IQGAP2: variants seen among roughly 807,000 people sequenced by gnomAD.
IQGAP2 encodes ras GTPase-activating-like protein IQGAP2.
A neutral mutation model predicts 201.3 loss-of-function variants in IQGAP2; 173 were observed. The observed-to-expected ratio is 0.86, with a 90% CI of 0.76 to 0.98. The LOEUF is 0.98. Among genes scored for constraint, IQGAP2 ranks in the 50% least tolerant of loss-of-function variants. The probability of loss-of-function intolerance (pLI) is 0.00; values close to 1 mark genes in which losing one functional copy is unlikely to be tolerated. For synonymous variants in IQGAP2, 675 were observed against 673.9 expected, an observed-to-expected ratio of 1.00 and a Z score of -0.03; for missense variants, 1,687 against 1,864.8, an observed-to-expected ratio of 0.90 and a Z score of 1.76.
intron 4 of IQGAP2, among the ~76,000 whole-genome samples, chr5:76,573,035 G>C (rs1248389540): frequency 6.6e-6 from 1 of 152,094 alleles, no homozygotes; most frequent in Non-Finnish European, 1.5e-5. Context: ...GTTAAATGCT[G>C]TTTCCTTCTA....
At chr5:76,472,793 C>A (rs986406766) in intron 2 of IQGAP2, among the ~76,000 whole-genome samples, 1 of 152,194 alleles carries the variant, frequency 6.6e-6, no homozygotes, top group Non-Finnish European at 1.5e-5. Flanking sequence ...ACAAGTTGAG[C>A]AACTGATATT....
rs147701575 is a variant in IQGAP2, at chr5:76,653,397, T to G, written c.2178+564T>G. ...AATCTACAACTTGGAGATCTACAAGTCTCCAGCTTGGAAATCCAGATGAGA... is the reference window on the plus strand; with the variant it reads ...AATCTACAACTTGGAGATCTACAAGGCTCCAGCTTGGAAATCCAGATGAGA... On this transcript the variant is annotated intron_variant, in intron 18 of 35. Coordinates refer to ENST00000274364, the MANE Select transcript of IQGAP2 (RefSeq NM_006633.5). 2.2e-3 allele frequency among the ~76,000 whole-genome samples: 330 copies of G among 152,158 alleles called. 4 individuals are homozygous for G. The highest frequency in any genetic ancestry group is 7.6e-3 in the African/African-American group (317 of 41,518).
chr5:76,618,645 G>T, intron 13 of IQGAP2: 1 of 1,602,780 alleles, frequency 6.2e-7, no homozygotes, highest in Non-Finnish European at 8.5e-7. Context: ...TTCCATGCCT[G>T]TAATTGAAAG....
At position 76,600,824 on chromosome 5, in the gene IQGAP2, C is replaced by T. The variant is rs780341391; in HGVS notation, c.1084C>T (p.His362Tyr). 6.2e-7 allele frequency: 1 copy of T among 1,614,036 alleles called. No homozygotes were observed. The highest frequency in any genetic ancestry group is 8.5e-7 in the Non-Finnish European group (1 of 1,179,976). ...QKQNTMNYLA[H>Y]EELLIAVEML... is the part of the protein sequence containing the mutation. Reference sequence around the variant, plus strand: ...TGTTTTCCAACAGAACTACTTGGCCCACGAGGAGCTTTTGATTGCTGTGGA... The same window carrying T: ...TGTTTTCCAACAGAACTACTTGGCCTACGAGGAGCTTTTGATTGCTGTGGA... The change falls in exon 11 of 36, where the codon CAC becomes TAC. Residue 362 changes from histidine to tyrosine, a missense_variant. His to Tyr is a moderately conservative substitution (Grantham distance 83, BLOSUM62 2). Coordinates refer to ENST00000274364, the MANE Select transcript of IQGAP2 (RefSeq NM_006633.5).
At chr5:76,532,825 C>CCA (rs1561442849) in intron 2 of IQGAP2, among the ~76,000 whole-genome samples, 3 of 152,224 alleles carry the variant, frequency 2.0e-5, no homozygotes. Flanking sequence ...TGGCCCAGAC[C>CCA]CACTGCAGCA....
At chr5:76,668,119 G>T in intron 22 of IQGAP2, among the ~76,000 whole-genome samples, 1 of 151,984 alleles carries the variant, frequency 6.6e-6, no homozygotes, top group East Asian at 1.9e-4. Flanking sequence ...CTGGGCTCAA[G>T]CTATCCTTCT....
At chr5:76,621,309 G>A (rs1357428573) in intron 13 of IQGAP2, among the ~76,000 whole-genome samples, 1 of 152,182 alleles carries the variant, frequency 6.6e-6, no homozygotes, top group Non-Finnish European at 1.5e-5. Flanking sequence ...GGGGTATGGA[G>A]GTGATCAGGT....
At chr5:76,606,035 G>A in intron 11 of IQGAP2, 144 bp from the exon 12 acceptor site, 1 of 572,924 alleles carries the variant, frequency 1.7e-6, no homozygotes, top group Non-Finnish European at 2.9e-6. Flanking sequence ...TGTTGACAGA[G>A]CTACACAAGA....
intron 2 of IQGAP2, among the ~76,000 whole-genome samples, chr5:76,504,908 T>A (rs1156955569): frequency 1.3e-5 from 2 of 152,170 alleles, no homozygotes. Flanking sequence ...TTTCCAGCTG[T>A]CCCTCTCTGC....
intron 14 of IQGAP2, among the ~76,000 whole-genome samples, 170 bp downstream of exon 14, chr5:76,627,670 T>C (rs1321915276): frequency 6.6e-6 from 1 of 152,238 alleles, no homozygotes; most frequent in Admixed American, 6.5e-5. Context: ...GTGATTTGAC[T>C]CTATCTCCAA....
At chr5:76,610,108 ATATATATTTTTTTTTTT>A (rs1304687159) in intron 12 of IQGAP2, among the ~76,000 whole-genome samples, 1 of 14,486 alleles carries the variant, frequency 6.9e-5, no homozygotes, top group African/African-American at 2.2e-4. Flanking sequence ...ATATATATAT[ATATATATTTTTTTTTTT>A]TTTTTTTTTT....
chr5:76,493,421 T>C (rs1756684305), intron 2 of IQGAP2, among the ~76,000 whole-genome samples: 1 of 152,082 alleles, frequency 6.6e-6, no homozygotes, highest in Non-Finnish European at 1.5e-5. Context: ...TCTCACCTCT[T>C]TGAAGTCTGC....
At chr5:76,461,831 G>T (rs767946231) in intron 2 of IQGAP2, among the ~76,000 whole-genome samples, 162 bp downstream of exon 2, 3 of 152,182 alleles carry the variant, frequency 2.0e-5, no homozygotes, top group Non-Finnish European at 2.9e-5. Flanking sequence ...TGCACTCAGT[G>T]ATTTAGATTT....
chr5:76,516,062 G>C (rs1758302341), intron 2 of IQGAP2, among the ~76,000 whole-genome samples: 1 of 151,816 alleles, frequency 6.6e-6, no homozygotes, highest in Non-Finnish European at 1.5e-5. Context: ...TTTTTACAGA[G>C]ACGGGGTTTT....
chr5:76,636,033 CAGAA>C (rs1336218411), intron 15 of IQGAP2, among the ~76,000 whole-genome samples: 1 of 152,180 alleles, frequency 6.6e-6, no homozygotes. Context: ...CATTGACAAA[CAGAA>C]AGAACAGGTG....
intron 22 of IQGAP2, 142 bp downstream of exon 22, chr5:76,665,317 G>C: frequency 2.9e-6 from 2 of 699,836 alleles, no homozygotes. Flanking sequence ...TGCTGTTGTT[G>C]GTGCTTTACA....
Position 76,700,229 on chromosome 5 carries a change from G to T in IQGAP2, c.4368-847G>T, listed in dbSNP as rs150768745. Among the ~76,000 whole-genome samples, 356 of 152,204 alleles carry T rather than the reference G, an allele frequency of 2.3e-3. 1 individual carries two copies. The highest frequency in any genetic ancestry group is 8.0e-3 in the African/African-American group (331 of 41,522). On this transcript the variant is annotated intron_variant, in intron 33 of 35. Coordinates refer to ENST00000274364, the MANE Select transcript of IQGAP2 (RefSeq NM_006633.5). ...TTGGGTTCTGATTCTCTCTTATGTC[G>T]TGTGATCTTGAGCCCAGTTCAGTGA...
chr5:76,462,492 T>G (rs10077639), intron 2 of IQGAP2, among the ~76,000 whole-genome samples: 19 of 152,102 alleles, frequency 1.2e-4, no homozygotes, highest in Non-Finnish European at 2.2e-4. Context: ...ATGAGAGGAA[T>G]TGAGAGAACT....
chr5:76,641,321 G>A (rs1751564440), intron 17 of IQGAP2, among the ~76,000 whole-genome samples: 1 of 152,148 alleles, frequency 6.6e-6, no homozygotes, highest in African/African-American at 2.4e-5. Flanking sequence ...GAGCATTTAG[G>A]AGCACCGCAG....
Sources: gnomAD v4.1 joint callset for allele counts (sites outside exome capture counted in the v4.1 genomes callset) on GRCh38, gnomAD v4.1.1 for gene constraint, MANE v1.5 for transcripts, NCBI Gene and HGNC (gene_info 2026-07-23, HGNC 2026-07-21) for gene names.